The following RBFOX1 variants were observed in gnomAD, a reference collection of about 807,000 sequenced individuals.
RBFOX1 encodes the protein RNA binding protein fox-1 homolog 1.
RBFOX1 carries 8 observed loss-of-function variants against 57.7 expected under a neutral mutation model. The observed-to-expected ratio is 0.14, with a 90% confidence interval of 0.08 to 0.25. The LOEUF is 0.25. Ranked by LOEUF, RBFOX1 falls within the 10% of genes least tolerant of loss-of-function variation. The pLI is 1.00. For synonymous variants in RBFOX1, 326 were observed against 222.4 expected, an observed-to-expected ratio of 1.47 and a Z score of -4.15; for missense variants, 611 against 548.5, an observed-to-expected ratio of 1.11 and a Z score of -1.14.
At chr16:5,550,712 C>T (rs930335442) in intron 2 of RBFOX1, among the ~76,000 whole-genome samples, 15 of 152,224 alleles carry the variant, frequency 9.9e-5, no homozygotes, top group African/African-American at 3.4e-4. Flanking sequence ...CATTTATATT[C>T]TGGAGACTCA....
intron 4 of RBFOX1, among the ~76,000 whole-genome samples, chr16:7,137,718 C>G (rs1421504599): frequency 6.6e-6 from 1 of 152,112 alleles, no homozygotes; most frequent in Non-Finnish European, 1.5e-5. Flanking sequence ...CAACTTAACT[C>G]AAAGGAATAA....
chr16:7,515,365 G>C (rs901224157), intron 4 of RBFOX1, among the ~76,000 whole-genome samples: 1 of 151,538 alleles, frequency 6.6e-6, no homozygotes, highest in Non-Finnish European at 1.5e-5. Flanking sequence ...TTGCAAGACA[G>C]ATACATTCTG....
intron 3 of RBFOX1, among the ~76,000 whole-genome samples, chr16:6,911,322 A>G (rs1004382478): frequency 6.6e-6 from 1 of 152,178 alleles, no homozygotes; most frequent in African/African-American, 2.4e-5. Context: ...GTTTTGCCTT[A>G]CACTTGTGGA....
chr16:7,257,016 C>T lies in RBFOX1; in HGVS notation c.27+204918C>T, dbSNP rs571683172. On this transcript the variant is annotated intron_variant, in intron 4 of 15. Transcript: ENST00000550418. Reference sequence around the variant, plus strand: ...CGTTCTGATCCTGTCTCCTCTCCCCCTCTGATCCGACCCTCCTGGAGAATG... The same window carrying T: ...CGTTCTGATCCTGTCTCCTCTCCCCTTCTGATCCGACCCTCCTGGAGAATG... Among the ~76,000 whole-genome samples, 9 of 152,288 alleles carry T rather than the reference C, an allele frequency of 5.9e-5. No individual in the cohort carries two copies. In the South Asian group the frequency reaches 1.5e-3, roughly 25 times the overall value.
At chr16:5,426,419 G>C (rs1009422828) in intron 1 of RBFOX1, among the ~76,000 whole-genome samples, 13 of 152,312 alleles carry the variant, frequency 8.5e-5, no homozygotes, top group African/African-American at 2.9e-4. Flanking sequence ...GAACCTAAAA[G>C]ACTAAAACCG....
intron 2 of RBFOX1, among the ~76,000 whole-genome samples, chr16:6,318,978 T>C (rs1034520520): frequency 6.6e-6 from 1 of 151,940 alleles, no homozygotes; most frequent in African/African-American, 2.4e-5. Context: ...AAGCAGTCAC[T>C]TCCTCTGGAA....
At chr16:7,634,426 G>C (rs1006469173) in intron 11 of RBFOX1, among the ~76,000 whole-genome samples, 1 of 149,144 alleles carries the variant, frequency 6.7e-6, no homozygotes, top group Non-Finnish European at 1.5e-5. Context: ...CCTCTTCCTA[G>C]TCAAATAGCT....
At chr16:7,063,436 C>A (rs897946632) in intron 4 of RBFOX1, among the ~76,000 whole-genome samples, 3 of 152,068 alleles carry the variant, frequency 2.0e-5, no homozygotes, top group African/African-American at 4.8e-5. Context: ...CTCAGAGTAC[C>A]CTTCAAAGGC....
chr16:6,563,360 A>G (rs548534358), intron 2 of RBFOX1, among the ~76,000 whole-genome samples: 28 of 152,292 alleles, frequency 1.8e-4, no homozygotes, highest in African/African-American at 6.0e-4. Flanking sequence ...TTTCATAGGA[A>G]TCCATTTAAG....
At chr16:7,377,169 A>C (rs2097699958) in intron 4 of RBFOX1, among the ~76,000 whole-genome samples, 1 of 152,220 alleles carries the variant, frequency 6.6e-6, no homozygotes, top group Non-Finnish European at 1.5e-5. Context: ...ATTTAGATAA[A>C]ATACCAGTTT....
At chr16:7,352,627 GT>G (rs1682659760) in intron 4 of RBFOX1, among the ~76,000 whole-genome samples, 1 of 152,160 alleles carries the variant, frequency 6.6e-6, no homozygotes, top group African/African-American at 2.4e-5. Flanking sequence ...TTCCCATGTA[GT>G]TCTAGAAAGA....
chr16:5,947,221 C>G lies in RBFOX1; in HGVS notation c.351+79886C>G, dbSNP rs1306743336. ...GCAGAGTGAGACTCTGTCTCTAAAACAAAACAAACCAGAAGAAAGGCTACT... is the reference window on the plus strand; with the variant it reads ...GCAGAGTGAGACTCTGTCTCTAAAAGAAAACAAACCAGAAGAAAGGCTACT... On this transcript the variant is annotated intron_variant, in intron 4 of 19. Coordinates refer to the RBFOX1 transcript ENST00000641259. This position sits in a 1 kb window ranked among gnomAD's most constrained non-coding sequence, Gnocchi z 7.2. Among the ~76,000 whole-genome samples, 1 of 152,058 alleles carries G rather than the reference C, an allele frequency of 6.6e-6. No individual in the cohort carries two copies. The highest frequency in any genetic ancestry group is 1.5e-5 in the Non-Finnish European group (1 of 67,990).
chr16:5,283,314 A>G (rs2063316556), intron 1 of RBFOX1, among the ~76,000 whole-genome samples: 1 of 152,204 alleles, frequency 6.6e-6, no homozygotes, highest in Non-Finnish European at 1.5e-5. Flanking sequence ...GCCCCCACAT[A>G]GAGTCCCTAC....
chr16:5,481,818 C>G (rs1174951155), intron 2 of RBFOX1, among the ~76,000 whole-genome samples: 2 of 152,170 alleles, frequency 1.3e-5, no homozygotes, highest in Non-Finnish European at 2.9e-5. Flanking sequence ...TGTAGATGAT[C>G]TGCCTTCTGA....
intron 1 of RBFOX1, among the ~76,000 whole-genome samples, chr16:5,310,254 T>C (rs537371261): frequency 2.6e-5 from 4 of 152,138 alleles, no homozygotes; most frequent in Admixed American, 1.3e-4. Context: ...ATACAAAAAT[T>C]AGCTGGGCAT....
At chr16:7,497,633 A>G (rs912369881) in intron 4 of RBFOX1, among the ~76,000 whole-genome samples, 1 of 152,236 alleles carries the variant, frequency 6.6e-6, no homozygotes, top group Admixed American at 6.5e-5. Context: ...CACAGTGGAT[A>G]AAGGTACCTC....
chr16:6,506,937 C>A (rs372565543), intron 2 of RBFOX1, among the ~76,000 whole-genome samples: 74 of 152,220 alleles, frequency 4.9e-4, no homozygotes, highest in African/African-American at 1.7e-3. Flanking sequence ...CATGAGCCAC[C>A]GTGCCCAGCC....
At chr16:7,065,456 T>C (rs1443828297) in intron 4 of RBFOX1, among the ~76,000 whole-genome samples, 1 of 152,186 alleles carries the variant, frequency 6.6e-6, no homozygotes, top group African/African-American at 2.4e-5. Context: ...CATGGGTTTT[T>C]CTGAACCTGC....
intron 4 of RBFOX1, among the ~76,000 whole-genome samples, chr16:7,499,977 C>A (rs918526764): frequency 6.6e-6 from 1 of 152,100 alleles, no homozygotes; most frequent in African/African-American, 2.4e-5. Context: ...TTTCCAAAAA[C>A]CCCTGGTTTT....
Sources: gnomAD v4.1 joint callset for allele counts (sites outside exome capture counted in the v4.1 genomes callset) on GRCh38, gnomAD v4.1.1 for gene constraint, Gnocchi (gnomAD v3.1) non-coding constraint, MANE v1.5 for transcripts, NCBI Gene and HGNC (gene_info 2026-07-23, HGNC 2026-07-21) for gene names.